KCNQ3: variants seen among roughly 807,000 people sequenced by gnomAD.
The protein encoded by KCNQ3 is potassium voltage-gated channel subfamily KQT member 3.
KCNQ3 carries 30 observed loss-of-function variants against 92.5 expected under a neutral mutation model. The observed-to-expected ratio is 0.32, with a 90% confidence interval of 0.24 to 0.44. The LOEUF is 0.44. Among genes scored for constraint, KCNQ3 ranks in the 20% least tolerant of loss-of-function variants. KCNQ3 has a pLI of 1.00. For synonymous variants in KCNQ3, 450 were observed against 468.8 expected (o/e 0.96, Z 0.52); for missense variants, 913 against 1,140.3 (o/e 0.80, Z 2.87).
intron 1 of KCNQ3, among the ~76,000 whole-genome samples, chr8:132,354,743 T>C (rs1307090929): frequency 6.6e-6 from 1 of 152,254 alleles, no homozygotes; most frequent in Admixed American, 6.5e-5. Flanking sequence ...TGAGAGCCAT[T>C]CTGCCATATA....
At chr8:132,234,527 A>C (rs1307720924) in intron 1 of KCNQ3, among the ~76,000 whole-genome samples, 3 of 151,972 alleles carry the variant, frequency 2.0e-5, no homozygotes, top group Non-Finnish European at 4.4e-5. Context: ...AAGAAGATTC[A>C]ACCTGAAAAA....
chr8:132,142,571 T>A (rs1825329898), intron 9 of KCNQ3, among the ~76,000 whole-genome samples: 1 of 152,050 alleles, frequency 6.6e-6, no homozygotes, highest in Non-Finnish European at 1.5e-5. Flanking sequence ...TTCCAGAGAG[T>A]GCCACATTGC....
chr8:132,233,161 G>A (rs115445474), intron 1 of KCNQ3, among the ~76,000 whole-genome samples: 138 of 152,240 alleles, frequency 9.1e-4, no homozygotes, highest in African/African-American at 3.1e-3. Flanking sequence ...GGACATTTCC[G>A]TCATGACACC....
At chr8:132,248,557 C>A (rs1815269765) in intron 1 of KCNQ3, among the ~76,000 whole-genome samples, 1 of 152,152 alleles carries the variant, frequency 6.6e-6, no homozygotes, top group African/African-American at 2.4e-5. Flanking sequence ...ATGAGCAAAA[C>A]CAAGTGAGAG....
intron 1 of KCNQ3, among the ~76,000 whole-genome samples, chr8:132,406,141 C>T (rs79269059): frequency 0.028 from 4,323 of 152,226 alleles, 81 homozygotes; most frequent in Non-Finnish European, 0.046. Flanking sequence ...AGAAGGGTGT[C>T]GTTTCAAAAT....
chr8:132,334,327 G>T (rs1818307908), intron 1 of KCNQ3, among the ~76,000 whole-genome samples: 1 of 151,926 alleles, frequency 6.6e-6, no homozygotes, highest in Admixed American at 6.6e-5. Context: ...ACAAAAATTA[G>T]CCAGGTGTGG....
intron 1 of KCNQ3, among the ~76,000 whole-genome samples, chr8:132,412,548 C>G (rs1820678690): frequency 6.6e-6 from 1 of 152,192 alleles, no homozygotes; most frequent in South Asian, 2.1e-4. Context: ...ATGCCACTGG[C>G]CACCTGAGCT....
chr8:132,472,460 C>T (rs185425577), intron 1 of KCNQ3, among the ~76,000 whole-genome samples: 14 of 152,230 alleles, frequency 9.2e-5, no homozygotes, highest in Admixed American at 6.5e-4. Flanking sequence ...TTTGCAGCAA[C>T]TTGGATGGAA....
At chr8:132,200,922 G>A (rs557627694) in intron 1 of KCNQ3, among the ~76,000 whole-genome samples, 14 of 152,296 alleles carry the variant, frequency 9.2e-5, no homozygotes, top group African/African-American at 3.1e-4. Flanking sequence ...ATCACAGACT[G>A]AGATTATTTT....
intron 1 of KCNQ3, among the ~76,000 whole-genome samples, chr8:132,269,138 G>T (rs2125153): frequency 0.58 from 88,528 of 151,978 alleles, 26,957 homozygotes; most frequent in East Asian, 0.82. Flanking sequence ...AATATGTCTT[G>T]TGCAAATCAG....
intron 1 of KCNQ3, among the ~76,000 whole-genome samples, chr8:132,190,629 C>T (rs1216440213): frequency 6.6e-6 from 1 of 152,154 alleles, no homozygotes; most frequent in African/African-American, 2.4e-5. Context: ...GGAGTCCTCC[C>T]ACAAGATCCA....
At position 132,422,411 on chromosome 8, in the gene KCNQ3, C is replaced by G. The variant is rs530705433; in HGVS notation, c.386+57736G>C. Among the ~76,000 whole-genome samples the G allele has an allele frequency of 2.0e-5, 3 of 152,304 alleles. No individual in the cohort carries two copies. The East Asian group carries it at 5.8e-4, about 29-fold the overall frequency. ...CTCAGCAGAGCCGCCAGAGGGACAG[C>G]CTCAAAGCATATGTTTTGCATTATA... On this transcript the variant is annotated intron_variant, in intron 1 of 14. Transcript: ENST00000388996.
chr8:132,315,591 A>G (rs1586920567), intron 1 of KCNQ3, among the ~76,000 whole-genome samples: 1 of 152,270 alleles, frequency 6.6e-6, no homozygotes, highest in African/African-American at 2.4e-5. Context: ...CCCCTCCCCA[A>G]CTTTCGGGTT....
At chr8:132,235,220 C>T (rs563004331) in intron 1 of KCNQ3, among the ~76,000 whole-genome samples, 5 of 152,148 alleles carry the variant, frequency 3.3e-5, no homozygotes, top group Non-Finnish European at 2.9e-5. Flanking sequence ...ACTTCCTGGC[C>T]GGGCGCAGTG....
At chr8:132,219,328 A>T (rs1026523165) in intron 1 of KCNQ3, among the ~76,000 whole-genome samples, 3 of 152,096 alleles carry the variant, frequency 2.0e-5, no homozygotes, top group Non-Finnish European at 2.9e-5. Flanking sequence ...TGCCTTATTC[A>T]TGCCCAGTGA....
chr8:132,436,364 A>G (rs1821396226), intron 1 of KCNQ3, among the ~76,000 whole-genome samples: 1 of 152,208 alleles, frequency 6.6e-6, no homozygotes, highest in Admixed American at 6.5e-5. Flanking sequence ...ACTAATAAAC[A>G]TTTTCAATAT....
chr8:132,388,226 C>A (rs769547714), intron 1 of KCNQ3, among the ~76,000 whole-genome samples: 1 of 152,080 alleles, frequency 6.6e-6, no homozygotes, highest in African/African-American at 2.4e-5. Context: ...GAGGCATAGT[C>A]GTTGTTTGCT....
At chr8:132,345,363 A>G (rs1818655337) in intron 1 of KCNQ3, among the ~76,000 whole-genome samples, 1 of 152,218 alleles carries the variant, frequency 6.6e-6, no homozygotes. Flanking sequence ...ACTGAGGCAG[A>G]GTGATGGTCC....
At chr8:132,184,048 C>G (rs1826877432) in intron 3 of KCNQ3, among the ~76,000 whole-genome samples, 193 bp downstream of exon 3, 1 of 152,156 alleles carries the variant, frequency 6.6e-6, no homozygotes, top group South Asian at 2.1e-4. Flanking sequence ...TTATAAGGAC[C>G]AGTCACAGAA....
Sources: allele counts gnomAD v4.1 joint callset (sites outside exome capture counted in the v4.1 genomes callset), GRCh38; gene constraint gnomAD v4.1.1; transcripts MANE v1.5; gene names NCBI Gene and HGNC (gene_info 2026-07-23, HGNC 2026-07-21).